Variants in KLHDC4 observed in about 807,000 individuals in gnomAD.
The protein encoded by KLHDC4 is kelch domain-containing protein 4.
KLHDC4 carries 90 observed loss-of-function variants against 62.4 expected under a neutral mutation model. That is an observed-to-expected ratio of 1.44 (90% CI 1.22 to 1.72). The LOEUF (loss-of-function observed/expected upper bound fraction) is 1.72. Ranked by LOEUF, KLHDC4 falls within the 40% of genes most tolerant of loss-of-function variation. The pLI is 0.00. For synonymous variants in KLHDC4, 386 were observed against 284.4 expected, an observed-to-expected ratio of 1.36 and a Z score of -3.59; for missense variants, 1,025 against 699.7, an observed-to-expected ratio of 1.47 and a Z score of -5.25.
At chr16:87,734,487 C>A (rs1483784760) in intron 5 of KLHDC4, among the ~76,000 whole-genome samples, 1 of 152,214 alleles carries the variant, frequency 6.6e-6, no homozygotes, top group East Asian at 1.9e-4. Flanking sequence ...TTGCTCCAAG[C>A]TGGAGCGAAT....
At chr16:87,761,861 C>A in intron 2 of KLHDC4, 88 bp downstream of exon 2, 2 of 1,251,718 alleles carry the variant, frequency 1.6e-6, no homozygotes, top group Non-Finnish European at 2.3e-6. Flanking sequence ...AGTGCCTGGT[C>A]ATTTACGAAA....
intron 1 of KLHDC4, chr16:87,765,430 G>T (rs911495000): frequency 2.0e-6 from 1 of 494,672 alleles, no homozygotes; most frequent in South Asian, 1.5e-5. Context: ...TCAACCTCAG[G>T]TCTTCCTGTG....
At chr16:87,730,793 C>A in intron 5 of KLHDC4, 149 bp from the exon 6 acceptor site, 1 of 650,446 alleles carries the variant, frequency 1.5e-6, no homozygotes, top group South Asian at 1.8e-5. Flanking sequence ...TTAATCTGAT[C>A]TATCAACTAC....
At chr16:87,719,905 C>T (rs530056393) in intron 7 of KLHDC4, among the ~76,000 whole-genome samples, 24 of 152,304 alleles carry the variant, frequency 1.6e-4, no homozygotes, top group African/African-American at 5.3e-4. Context: ...CGTTTGGAGG[C>T]GCATCGGCCG....
chr16:87,719,021 C>G (rs1053786996), intron 7 of KLHDC4, among the ~76,000 whole-genome samples: 1 of 151,360 alleles, frequency 6.6e-6, no homozygotes, highest in Non-Finnish European at 1.5e-5. Flanking sequence ...AGGAGCGTCT[C>G]CGCCCAGCAG....
chr16:87,731,227 C>A (rs930793958), intron 5 of KLHDC4, among the ~76,000 whole-genome samples: 17 of 151,742 alleles, frequency 1.1e-4, no homozygotes, highest in African/African-American at 4.1e-4. Context: ...CCACACCTGG[C>A]TGATTTTTTG....
At chr16:87,701,697 G>A (rs1487220624) in exon 1 of KLHDC4, 1 of 456,630 alleles carries the variant, frequency 2.2e-6, no homozygotes, top group African/African-American at 2.0e-5. Context: ...TCCTGTCTCA[G>A]ACACACCCTT....
chr16:87,735,972 C>CT (rs2143008777), intron 5 of KLHDC4, among the ~76,000 whole-genome samples: 2 of 152,326 alleles, frequency 1.3e-5, no homozygotes, highest in East Asian at 3.9e-4. Flanking sequence ...AAACGCTTCT[C>CT]TGAGTTAAGC....
At chr16:87,729,300 C>A (rs1445953756) in intron 6 of KLHDC4, 2 of 152,204 alleles carry the variant, frequency 1.3e-5, no homozygotes, top group Non-Finnish European at 2.9e-5. Flanking sequence ...GAGGGTGCGA[C>A]TGGACTCACC....
At chr16:87,716,123 G>C (rs961204867) in intron 7 of KLHDC4, among the ~76,000 whole-genome samples, 9 of 149,828 alleles carry the variant, frequency 6.0e-5, no homozygotes, top group Middle Eastern at 3.5e-3. Flanking sequence ...TACACACTAT[G>C]GTCTTGTGGA....
At chr16:87,746,719 C>T (rs2043093738) in intron 5 of KLHDC4, among the ~76,000 whole-genome samples, 1 of 152,186 alleles carries the variant, frequency 6.6e-6, no homozygotes, top group African/African-American at 2.4e-5. Flanking sequence ...CACATAATGA[C>T]CCTGTTCCTG....
chr16:87,746,349 CAAAGAGAG>C (rs1489070084), intron 5 of KLHDC4, among the ~76,000 whole-genome samples: 11 of 151,460 alleles, frequency 7.3e-5, no homozygotes, highest in Admixed American at 7.2e-4. Context: ...GACAAGACCA[CAAAGAGAG>C]AAAGAGAGAG....
chr16:87,717,809 C>A (rs2037306232), intron 7 of KLHDC4, among the ~76,000 whole-genome samples: 1 of 149,346 alleles, frequency 6.7e-6, no homozygotes, highest in South Asian at 2.1e-4. Flanking sequence ...TTAGCTTCGG[C>A]AGGTCTCTGT....
intron 2 of KLHDC4, among the ~76,000 whole-genome samples, chr16:87,758,310 T>C (rs773794333): frequency 6.6e-6 from 1 of 152,192 alleles, no homozygotes; most frequent in Non-Finnish European, 1.5e-5. Context: ...AACCTAAGTG[T>C]TGGTCTGCAG....
intron 7 of KLHDC4, among the ~76,000 whole-genome samples, chr16:87,721,835 G>A (rs1384067665): frequency 6.6e-6 from 1 of 152,186 alleles, no homozygotes; most frequent in Non-Finnish European, 1.5e-5. Flanking sequence ...TGACAACTGA[G>A]GTCAAAACGC....
intron 7 of KLHDC4, among the ~76,000 whole-genome samples, chr16:87,720,079 C>A (rs554262810): frequency 1.3e-5 from 2 of 152,192 alleles, no homozygotes; most frequent in South Asian, 4.1e-4. Flanking sequence ...TTGGCTCACC[C>A]GGCTGTCGGC....
intron 5 of KLHDC4, among the ~76,000 whole-genome samples, chr16:87,735,956 G>A (rs932922828): frequency 1.3e-5 from 2 of 152,190 alleles, no homozygotes; most frequent in African/African-American, 4.8e-5. Context: ...TAAACACTCT[G>A]CATGCAAACG....
At chr16:87,703,304 G>T (rs535921891), downstream of KLHDC4, 15 of 152,198 alleles carry the variant, frequency 9.9e-5, no homozygotes, top group African/African-American at 3.6e-4. Context: ...CTGTCTCGCT[G>T]GCTCACCACT....
chr16:87,754,996 T>C (rs2044636340), intron 4 of KLHDC4, among the ~76,000 whole-genome samples, 198 bp downstream of exon 4: 1 of 152,154 alleles, frequency 6.6e-6, no homozygotes, highest in African/African-American at 2.4e-5. Context: ...TCATGCCACC[T>C]GGGGAGCAGG....
Sources: gnomAD v4.1 joint callset for allele counts (sites outside exome capture counted in the v4.1 genomes callset) on GRCh38, gnomAD v4.1.1 for gene constraint, MANE v1.5 for transcripts, NCBI Gene and HGNC (gene_info 2026-07-23, HGNC 2026-07-21) for gene names.